Variants in MAVS observed in about 807,000 individuals in gnomAD.
MAVS encodes mitochondrial antiviral-signaling protein.
A neutral mutation model predicts 30.2 loss-of-function variants in MAVS; 20 were observed. The observed-to-expected ratio is 0.66, with a 90% CI of 0.47 to 0.96. The LOEUF (loss-of-function observed/expected upper bound fraction) is 0.96, where lower values mean the gene tolerates loss of function less well. Among genes scored for constraint, MAVS ranks in the 40% least tolerant of loss-of-function variants. MAVS has a pLI of 0.00. For synonymous variants in MAVS, 278 were observed against 293.9 expected (o/e 0.95, Z 0.55); for missense variants, 624 against 701.1 (o/e 0.89, Z 1.24).
intron 1 of MAVS, among the ~76,000 whole-genome samples, chr20:3,850,874 A>G (rs1308863434): frequency 1.4e-5 from 2 of 141,844 alleles, no homozygotes; most frequent in Non-Finnish European, 3.0e-5. Flanking sequence ...TGACAGAGCG[A>G]AACTCCGTCT....
intron 2 of MAVS, among the ~76,000 whole-genome samples, chr20:3,856,786 C>G (rs560719019): frequency 2.0e-5 from 3 of 151,750 alleles, no homozygotes; most frequent in Admixed American, 1.3e-4. Context: ...GTAATCCCAG[C>G]GCTTTGGGAG....
intron 5 of MAVS, among the ~76,000 whole-genome samples, chr20:3,863,530 C>T (rs1290280668): frequency 6.6e-6 from 1 of 152,132 alleles, no homozygotes; most frequent in African/African-American, 2.4e-5. Context: ...GGTTTCAGTA[C>T]GTTTGTAGAC....
intron 5 of MAVS, among the ~76,000 whole-genome samples, chr20:3,862,873 T>G (rs1262543188): frequency 6.6e-6 from 1 of 152,176 alleles, no homozygotes; most frequent in Non-Finnish European, 1.5e-5. Flanking sequence ...ACTGGCACAG[T>G]GTCCCCTGTG....
In MAVS at chr20:3,866,363, T is replaced by C; in HGVS notation, c.*216T>C. On this transcript the variant is annotated 3_prime_UTR_variant, in exon 7 of 7. Coordinates refer to ENST00000428216, the MANE Select transcript of MAVS (RefSeq NM_020746.5). ...GGTGCCTTGTGTGGGTCCCCGTCCTTGGCTTTCTGGGTCCTGGGCTGCCCC... is the reference window on the plus strand; with the variant it reads ...GGTGCCTTGTGTGGGTCCCCGTCCTCGGCTTTCTGGGTCCTGGGCTGCCCC... 1.8e-6 allele frequency: 1 copy of C among 569,516 alleles called. No homozygotes were observed. 35.3% of individuals were successfully genotyped at this position (569,516 alleles called of 1,614,324 possible).
Position 3,874,280 on chromosome 20 carries a change from T to C in MAVS, c.*8133T>C, listed in dbSNP as rs1398715016. 2.0e-5 allele frequency: 8 copies of C among 398,250 alleles called. No individual in the cohort carries two copies. Among genetic ancestry groups the C allele is most frequent in the Non-Finnish European group, 3.1e-5 (7 of 225,988 alleles). The allele number at this position is 398,250 out of a possible 1,614,324, so 24.7% of individuals were successfully genotyped here. A position where few individuals can be genotyped will look rare whatever the true frequency, so the allele number is the denominator to read the frequency against. ...AGGGGAACAGTTAACAGGGGAGGGATACTGGGGAGGGGCATCCTGGAGTGC... is the reference window on the plus strand; with the variant it reads ...AGGGGAACAGTTAACAGGGGAGGGACACTGGGGAGGGGCATCCTGGAGTGC... On this transcript the variant is annotated 3_prime_UTR_variant, in exon 7 of 7. Transcript: ENST00000428216.
Position 3,874,568 on chromosome 20 carries a change from A to C in MAVS, c.*8421A>C. 1.0e-5 allele frequency: 2 copies of C among 199,098 alleles called. No homozygotes were observed. The highest frequency in any genetic ancestry group is 1.0e-5 in the Non-Finnish European group (1 of 99,290). 12.3% of individuals were successfully genotyped at this position (199,098 alleles called of 1,614,324 possible). A position where few individuals can be genotyped will look rare whatever the true frequency, so the allele number is the denominator to read the frequency against. On this transcript the variant is annotated 3_prime_UTR_variant, in exon 7 of 7. Transcript: ENST00000428216. ...GTTGGCATGGGGACAGAGCGGACTA[A>C]CTGGAGGGGCATCTTTGGTTGGTTG...
chr20:3,873,997 A>C lies in MAVS; in HGVS notation c.*7850A>C, dbSNP rs560913054. On this transcript the variant is annotated 3_prime_UTR_variant, in exon 7 of 7. Coordinates refer to ENST00000428216, the MANE Select transcript of MAVS (RefSeq NM_020746.5). ...CGCTGACTGTAGCCCCAAACCTGAA[A>C]CAACCCAAATGTCCATCCACCAACC... 120 of 397,644 alleles carry C rather than the reference A, an allele frequency of 3.0e-4. No individual in the cohort carries two copies. In the South Asian group the frequency reaches 0.015, roughly 50 times the overall value. The allele number at this position is 397,644 out of a possible 1,614,324, so 24.6% of individuals were successfully genotyped here. A position where few individuals can be genotyped will look rare whatever the true frequency, so the allele number is the denominator to read the frequency against.
chr20:3,859,810 G>A (rs1461594995), intron 3 of MAVS, among the ~76,000 whole-genome samples: 1 of 151,716 alleles, frequency 6.6e-6, no homozygotes, highest in East Asian at 1.9e-4. Flanking sequence ...CTTGCCAAGT[G>A]ATGCTTGTCA....
chr20:3,851,012 C>T (rs2089755740), intron 1 of MAVS, among the ~76,000 whole-genome samples: 1 of 151,940 alleles, frequency 6.6e-6, no homozygotes, highest in Admixed American at 6.6e-5. Context: ...TGGTGAAACC[C>T]TGTCTCTACT....
In MAVS at chr20:3,875,212, G is replaced by A. The variant is rs2089982243; in HGVS notation, c.*9065G>A. On this transcript the variant is annotated 3_prime_UTR_variant, in exon 7 of 7. Coordinates refer to ENST00000428216, the MANE Select transcript of MAVS (RefSeq NM_020746.5). ...GAGGATTGCTAGAAGCCAGGAGTTCGAGACCAGCCTGGGTAACATAGCTAG... is the reference window on the plus strand; with the variant it reads ...GAGGATTGCTAGAAGCCAGGAGTTCAAGACCAGCCTGGGTAACATAGCTAG... The A allele has an allele frequency of 6.6e-6, 1 of 152,156 alleles. No individual in the cohort carries two copies. Among genetic ancestry groups the A allele is most frequent in the Non-Finnish European group, 1.5e-5 (1 of 68,058 alleles). 9.4% of individuals were successfully genotyped at this position (152,156 alleles called of 1,614,324 possible). A position where few individuals can be genotyped will look rare whatever the true frequency, so the allele number is the denominator to read the frequency against.
intron 2 of MAVS, among the ~76,000 whole-genome samples, chr20:3,855,809 C>T (rs982559192): frequency 2.6e-5 from 4 of 152,256 alleles, no homozygotes; most frequent in African/African-American, 7.2e-5. Context: ...GACGGAGTCT[C>T]GCTGTGTTGC....
Position 3,872,028 on chromosome 20 carries a change from G to A in MAVS, c.*5881G>A, listed in dbSNP as rs551466536. The A allele has an allele frequency of 6.6e-6, 1 of 152,478 alleles. No individual in the cohort carries two copies. The highest frequency in any genetic ancestry group is 1.5e-5 in the Non-Finnish European group (1 of 68,040). 9.4% of individuals were successfully genotyped at this position (152,478 alleles called of 1,614,324 possible). On this transcript the variant is annotated 3_prime_UTR_variant, in exon 7 of 7. Transcript: ENST00000428216. ...ACAGCTGGTTTGCAAGATTAGGAGGGATGAAGGACCCAGGGGACAATGCGA... is the reference window on the plus strand; with the variant it reads ...ACAGCTGGTTTGCAAGATTAGGAGGAATGAAGGACCCAGGGGACAATGCGA...
intron 1 of MAVS, among the ~76,000 whole-genome samples, chr20:3,851,696 C>T (rs1721869236): frequency 6.6e-6 from 1 of 151,888 alleles, no homozygotes; most frequent in Non-Finnish European, 1.5e-5. Context: ...TGGCTCACGC[C>T]TGTAATCCCA....
rs2089919176 is a variant in MAVS at position 3,867,614 on chromosome 20, G to A, written c.*1467G>A. ...CTGTCTCAAGAAAAAGAAAAATGCAGAGAAACAGGAGTCTTGGCTACTCCT... is the reference window on the plus strand; with the variant it reads ...CTGTCTCAAGAAAAAGAAAAATGCAAAGAAACAGGAGTCTTGGCTACTCCT... On this transcript the variant is annotated 3_prime_UTR_variant, in exon 7 of 7. Coordinates refer to ENST00000428216, the MANE Select transcript of MAVS (RefSeq NM_020746.5). 1 of 154,570 alleles carries A rather than the reference G, an allele frequency of 6.5e-6. No individual in the cohort carries two copies. The highest frequency in any genetic ancestry group is 1.4e-5 in the Non-Finnish European group (1 of 69,622). 9.6% of individuals were successfully genotyped at this position (154,570 alleles called of 1,614,324 possible). A position where few individuals can be genotyped will look rare whatever the true frequency, so the allele number is the denominator to read the frequency against.
chr20:3,856,686 GT>G (rs2089813622), intron 2 of MAVS, among the ~76,000 whole-genome samples: 1 of 151,960 alleles, frequency 6.6e-6, no homozygotes. Flanking sequence ...GATTCTGTGG[GT>G]TTTTGTTTCT....
chr20:3,853,297 T>A (rs921786325), intron 1 of MAVS, among the ~76,000 whole-genome samples: 2 of 150,234 alleles, frequency 1.3e-5, no homozygotes, highest in Non-Finnish European at 3.0e-5. Flanking sequence ...CCATCCTGGC[T>A]AACCCCGTGA....
chr20:3,859,876 G>A (rs1369793240), intron 3 of MAVS, among the ~76,000 whole-genome samples: 2 of 151,644 alleles, frequency 1.3e-5, no homozygotes, highest in Non-Finnish European at 2.9e-5. Flanking sequence ...GAGTGCAGTG[G>A]TGCCATCTCA....
intron 1 of MAVS, among the ~76,000 whole-genome samples, chr20:3,852,985 C>A (rs1367444008): frequency 6.6e-6 from 1 of 150,810 alleles, no homozygotes; most frequent in Non-Finnish European, 1.5e-5. Flanking sequence ...ACTGCAGGCG[C>A]CCGCCACCAT....
intron 5 of MAVS, among the ~76,000 whole-genome samples, chr20:3,863,496 G>A (rs2089881997): frequency 6.6e-6 from 1 of 152,186 alleles, no homozygotes; most frequent in Non-Finnish European, 1.5e-5. Flanking sequence ...AGTTGCTGTA[G>A]ACCACAGAGG....
Sources: allele counts gnomAD v4.1 joint callset (sites outside exome capture counted in the v4.1 genomes callset), GRCh38; gene constraint gnomAD v4.1.1; transcripts MANE v1.5; gene names NCBI Gene and HGNC (gene_info 2026-07-23, HGNC 2026-07-21).